GPR135: variants seen among roughly 807,000 people sequenced by gnomAD.
The protein encoded by GPR135 is G-protein coupled receptor 135.
In GPR135, 17 loss-of-function variants were observed where a neutral mutation model predicts 15.0. That is an observed-to-expected ratio of 1.13 (90% CI 0.78 to 1.70). The LOEUF is 1.70. Ranked by LOEUF, GPR135 falls within the 40% of genes most tolerant of loss-of-function variation. The pLI is 0.00. For missense variants in GPR135, 776 were observed against 727.0 expected (o/e 1.07, Z -0.78); for synonymous variants, 368 against 349.4 (o/e 1.05, Z -0.59).
chr14:59,457,023 C>A (rs1199191769), downstream of GPR135, among the ~76,000 whole-genome samples: 5 of 152,082 alleles, frequency 3.3e-5, no homozygotes, highest in African/African-American at 9.7e-5. Context: ...GTGAATAGGG[C>A]AGATGTAGGC....
In GPR135 at chr14:59,453,042, C is replaced by T. The variant is rs61985488; in HGVS notation, c.*874+2642G>A. Reference sequence around the variant, plus strand: ...CTGGAAAAGGCAAAACCATGGAGACCGTAACAGTAGCAGTGGTTTCAAGAG... The same window carrying T: ...CTGGAAAAGGCAAAACCATGGAGACTGTAACAGTAGCAGTGGTTTCAAGAG... On this transcript the variant is annotated intron_variant and NMD_transcript_variant, in intron 6 of 6. Transcript: ENST00000481661. 6.6e-3 allele frequency among the ~76,000 whole-genome samples: 1,003 copies of T among 152,106 alleles called. 8 individuals are homozygous for T. Among genetic ancestry groups the T allele is most frequent in the Middle Eastern group, 0.037 (11 of 294 alleles).
intron 6 of GPR135, among the ~76,000 whole-genome samples, chr14:59,452,824 A>G (rs1410746002): frequency 6.6e-6 from 1 of 152,244 alleles, no homozygotes; most frequent in African/African-American, 2.4e-5. Context: ...AAATATTGGA[A>G]GCAACCAAGA....
In GPR135 at chr14:59,464,765, C is replaced by G. The variant is rs770295613; in HGVS notation, c.462G>C (p.Leu154=). Residue 154 remains leucine (L), a synonymous_variant, in exon 1 of 1, where the codon CTG becomes CTC. Transcript: ENST00000395116. ...SLSLSDLLTA[L]LCLPAAFLDL... ...CCAGGAAGGCGGCGGGCAGGCAGAGCAGCGCCGTGAGCAGATCCGATAGGG... is the reference window on the plus strand; with the variant it reads ...CCAGGAAGGCGGCGGGCAGGCAGAGGAGCGCCGTGAGCAGATCCGATAGGG... 5 of 1,569,036 alleles carry G rather than the reference C, an allele frequency of 3.2e-6. No individual in the cohort carries two copies. The highest frequency in any genetic ancestry group is 4.3e-6 in the Non-Finnish European group (5 of 1,156,976).
chr14:59,458,564 T>C (rs1888745700), downstream of GPR135, among the ~76,000 whole-genome samples: 1 of 152,170 alleles, frequency 6.6e-6, no homozygotes. Flanking sequence ...AAGGCCTGTC[T>C]CTACTCCTAT....
At chr14:59,458,214 ACT>A, downstream of GPR135, among the ~76,000 whole-genome samples, 1 of 152,066 alleles carries the variant, frequency 6.6e-6, no homozygotes. Flanking sequence ...TTTCCTGATC[ACT>A]TCTAGATGTT....
At chr14:59,452,991 CG>C (rs1239687803) in intron 6 of GPR135, among the ~76,000 whole-genome samples, 11 of 152,158 alleles carry the variant, frequency 7.2e-5, no homozygotes, top group African/African-American at 2.7e-4. Flanking sequence ...AGGCTTCCTA[CG>C]GTATGATTCC....
chr14:59,457,804 T>G (rs748713033), downstream of GPR135, among the ~76,000 whole-genome samples: 7 of 152,232 alleles, frequency 4.6e-5, no homozygotes, highest in Admixed American at 1.3e-4. Flanking sequence ...AAATTTGCCA[T>G]CTGATCCCTC....
downstream of GPR135, chr14:59,460,403 TC>T (rs1888811604): frequency 6.6e-6 from 1 of 152,234 alleles, no homozygotes; most frequent in African/African-American, 2.4e-5. Context: ...GTTTTCCCAT[TC>T]CTTTGATAGT....
At chr14:59,458,550 T>C (rs1888745418), downstream of GPR135, among the ~76,000 whole-genome samples, 1 of 152,160 alleles carries the variant, frequency 6.6e-6, no homozygotes. Flanking sequence ...TTCAGGGCTG[T>C]CTAAAGGCCT....
chr14:59,464,273 C>A lies in GPR135; in HGVS notation c.954G>T (p.Ala318=), dbSNP rs767613725. Residue 318 remains alanine (A), a synonymous_variant, in exon 1 of 1, where the codon GCG becomes GCT. Coordinates refer to ENST00000395116, the MANE Select transcript of GPR135 (RefSeq NM_022571.6). ...CCTCGCTGAAGAAGCGCAGCACGCG[C>A]GCGTAGGTGTTCACCGGCCGCACGC... The part of the protein sequence containing the change: ...DVRVRPVNTY[A]RVLRFFSEVR... 6.2e-7 allele frequency: 1 copy of A among 1,612,198 alleles called. No homozygotes were observed. The highest frequency in any genetic ancestry group is 8.5e-7 in the Non-Finnish European group (1 of 1,179,852).
rs768499613 is a variant in GPR135 at position 59,464,587 on chromosome 14, C to A, written c.640G>T (p.Val214Leu). 5.0e-6 allele frequency: 8 copies of A among 1,586,620 alleles called. No individual in the cohort carries two copies. Among genetic ancestry groups the A allele is most frequent in the Admixed American group, 1.7e-5 (1 of 58,242 alleles). The change falls in exon 1 of 1, where the codon GTG (valine) becomes TTG (leucine). Residue 214 changes from valine to leucine, a missense_variant. Physicochemically the swap from Val to Leu is conservative, Grantham distance 32. Transcript: ENST00000395116. ...LISLDRYCAIVRPPREKIGRR... is the reference protein window; with the variant it reads ...LISLDRYCAILRPPREKIGRR... ...CCGATCTTCTCCCGCGGCGGCCGCACGATAGCGCAGTAACGGTCCAACGAG... is the reference window on the plus strand; with the variant it reads ...CCGATCTTCTCCCGCGGCGGCCGCAAGATAGCGCAGTAACGGTCCAACGAG...
Position 59,465,358 on chromosome 14 carries a change from G to T in GPR135, c.-132C>A, listed in dbSNP as rs1374422724. 1.7e-6 allele frequency: 1 copy of T among 603,714 alleles called. No individual in the cohort carries two copies. Among genetic ancestry groups the T allele is most frequent in the Non-Finnish European group, 2.4e-6 (1 of 420,154 alleles). 37.4% of individuals were successfully genotyped at this position (603,714 alleles called of 1,614,324 possible). A position where few individuals can be genotyped will look rare whatever the true frequency, so the allele number is the denominator to read the frequency against. ...GGGCTCGGCCGGAGGGGTGGCGGTC[G>T]CTGGGGACCTGGCGGAGCCTTTGAC... On this transcript the variant is annotated 5_prime_UTR_variant, in exon 1 of 1. Coordinates refer to ENST00000395116, the MANE Select transcript of GPR135 (RefSeq NM_022571.6).
At chr14:59,458,207 C>T (rs1888730209), downstream of GPR135, among the ~76,000 whole-genome samples, 1 of 152,182 alleles carries the variant, frequency 6.6e-6, no homozygotes, top group South Asian at 2.1e-4. Flanking sequence ...TGCCTCTTTT[C>T]CTGATCACTT....
Position 59,462,286 on chromosome 14 carries a change from G to T in GPR135, c.*1456C>A, listed in dbSNP as rs1016321811. 6.6e-6 allele frequency: 1 copy of T among 152,140 alleles called. No homozygotes were observed. Among genetic ancestry groups the T allele is most frequent in the Non-Finnish European group, 1.5e-5 (1 of 68,002 alleles). The allele number at this position is 152,140 out of a possible 1,614,324, so 9.4% of individuals were successfully genotyped here. A position where few individuals can be genotyped will look rare whatever the true frequency, so the allele number is the denominator to read the frequency against. On this transcript the variant is annotated 3_prime_UTR_variant, in exon 1 of 1. Transcript: ENST00000395116. ...AGAAAAGGGGCAGGATGGAGGAAAA[G>T]AAAGGGAAAAATAATATTTAAAAAA...
intron 6 of GPR135, among the ~76,000 whole-genome samples, chr14:59,453,120 TAA>T (rs1265509377): frequency 1.3e-5 from 2 of 152,186 alleles, no homozygotes; most frequent in Non-Finnish European, 2.9e-5. Context: ...TTTAGAGCAA[TAA>T]AACTCTTCTA....
At chr14:59,455,824 C>G (rs564399363), downstream of GPR135, 1 of 152,204 alleles carries the variant, frequency 6.6e-6, no homozygotes, top group Admixed American at 6.5e-5. Context: ...TTTAAGACAT[C>G]TTCACTTCTG....
chr14:59,453,443 G>A (rs1035419144), intron 6 of GPR135, among the ~76,000 whole-genome samples: 10 of 152,194 alleles, frequency 6.6e-5, no homozygotes, highest in Non-Finnish European at 1.3e-4. Flanking sequence ...CATGTTTGAA[G>A]AATGCTGTCC....
intron 6 of GPR135, among the ~76,000 whole-genome samples, chr14:59,454,596 G>T (rs944275): frequency 0.016 from 2,380 of 152,194 alleles, 62 homozygotes; most frequent in African/African-American, 0.054. Context: ...GTACGCACAG[G>T]ACTTCCTTTA....
intron 6 of GPR135, among the ~76,000 whole-genome samples, chr14:59,454,174 C>T (rs1356154515): frequency 6.6e-6 from 1 of 152,316 alleles, no homozygotes; most frequent in East Asian, 1.9e-4. Context: ...AATCAGCTGC[C>T]AGCACTGCTA....
Sources: allele counts gnomAD v4.1 joint callset (sites outside exome capture counted in the v4.1 genomes callset), GRCh38; gene constraint gnomAD v4.1.1; transcripts MANE v1.5; gene names NCBI Gene and HGNC (gene_info 2026-07-23, HGNC 2026-07-21).